The following PUM2 variants were observed in gnomAD, a reference collection of about 807,000 sequenced individuals.
PUM2 encodes the protein pumilio RNA binding family member 2.
PUM2 carries 57 observed loss-of-function variants against 124.5 expected under a neutral mutation model. The observed-to-expected ratio is 0.46, with a 90% CI of 0.37 to 0.57. The LOEUF (loss-of-function observed/expected upper bound fraction) is 0.57. PUM2 is among the 20% of genes least tolerant of loss of function. The pLI, the probability that PUM2 is intolerant of heterozygous loss-of-function variation, is 0.00. For synonymous variants in PUM2, 460 were observed against 446.1 expected, an observed-to-expected ratio of 1.03 and a Z score of -0.39; for missense variants, 1,065 against 1,290.6, an observed-to-expected ratio of 0.83 and a Z score of 2.68.
chr2:20,266,845 CTTTCTT>C (rs145967431), intron 13 of PUM2, among the ~76,000 whole-genome samples: 2,209 of 152,170 alleles, frequency 0.015, 68 homozygotes, highest in African/African-American at 0.049. Flanking sequence ...CTCCCTTTCT[CTTTCTT>C]ATAAAGGTAA....
intron 13 of PUM2, among the ~76,000 whole-genome samples, chr2:20,274,714 G>A (rs369061703): frequency 4.0e-5 from 6 of 151,702 alleles, no homozygotes; most frequent in Non-Finnish European, 5.9e-5. Flanking sequence ...GCAAGAAGCC[G>A]TTAGTTTGTC....
intron 3 of PUM2, among the ~76,000 whole-genome samples, chr2:20,314,076 G>C (rs950687177): frequency 1.3e-5 from 2 of 152,072 alleles, no homozygotes; most frequent in African/African-American, 4.8e-5. Flanking sequence ...AGCCCGGGAG[G>C]TCAAGGCTTT....
chr2:20,325,042 A>T (rs1683336239), intron 2 of PUM2, among the ~76,000 whole-genome samples: 1 of 152,162 alleles, frequency 6.6e-6, no homozygotes, highest in Admixed American at 6.5e-5. Flanking sequence ...AAAACAAAAA[A>T]ACCTCACCTG....
At chr2:20,322,899 G>A (rs1682719438) in intron 2 of PUM2, among the ~76,000 whole-genome samples, 1 of 152,106 alleles carries the variant, frequency 6.6e-6, no homozygotes, top group African/African-American at 2.4e-5. Flanking sequence ...ACACAAAAAT[G>A]GTGCTTTTCC....
intron 2 of PUM2, among the ~76,000 whole-genome samples, chr2:20,323,781 C>T (rs1261470370): frequency 6.6e-6 from 1 of 151,710 alleles, no homozygotes; most frequent in Non-Finnish European, 1.5e-5. Flanking sequence ...GGATCTGAAC[C>T]CATATCTACT....
chr2:20,313,183 G>C (rs1286217812), intron 3 of PUM2, among the ~76,000 whole-genome samples: 1 of 152,180 alleles, frequency 6.6e-6, no homozygotes, highest in Non-Finnish European at 1.5e-5. Context: ...AACACCAAAA[G>C]CAATGGCAAC....
chr2:20,271,487 T>C (rs1239548108), intron 13 of PUM2, among the ~76,000 whole-genome samples: 1 of 152,132 alleles, frequency 6.6e-6, no homozygotes, highest in African/African-American at 2.4e-5. Flanking sequence ...CTAATTTTTG[T>C]ATTTTTAATA....
intron 9 of PUM2, among the ~76,000 whole-genome samples, chr2:20,293,559 A>T (rs895711553): frequency 1.3e-5 from 2 of 152,102 alleles, no homozygotes; most frequent in Non-Finnish European, 2.9e-5. Context: ...AAATAGAAAA[A>T]ATTAGCTGGG....
At chr2:20,345,212 A>G (rs999438433) in intron 1 of PUM2, among the ~76,000 whole-genome samples, 10 of 149,636 alleles carry the variant, frequency 6.7e-5, no homozygotes, top group Non-Finnish European at 1.2e-4. Flanking sequence ...TGACCTTCCC[A>G]CCTCATTCCC....
At chr2:20,297,792 G>A (rs963789139) in intron 7 of PUM2, 114 bp from the exon 8 acceptor site, 3 of 1,047,614 alleles carry the variant, frequency 2.9e-6, no homozygotes, top group Middle Eastern at 3.2e-4. Context: ...GGAGCAGAGT[G>A]TGCATAATGG....
At position 20,275,885 on chromosome 2, in the gene PUM2, G is replaced by A. The variant is rs566947509; in HGVS notation, c.1957+2698C>T. ...ACACATTAAGACATATCAAACAAAT[G>A]CAATGTATGAACCTTATTTTGACTG... On this transcript the variant is annotated intron_variant, in intron 13 of 20. Coordinates refer to ENST00000361078, the MANE Select transcript of PUM2 (RefSeq NM_015317.5). Among the ~76,000 whole-genome samples the A allele has an allele frequency of 3.3e-5, 5 of 152,112 alleles. No individual in the cohort carries two copies. The South Asian group carries it at 1.0e-3, about 32-fold the overall frequency.
chr2:20,331,716 C>T (rs1329557012), intron 1 of PUM2: 1 of 151,972 alleles, frequency 6.6e-6, no homozygotes, highest in Non-Finnish European at 1.5e-5. Flanking sequence ...TAGAGCTTTA[C>T]CTTTTTTGCT....
In PUM2 at chr2:20,323,663, G is replaced by A. The variant is rs561044146; in HGVS notation, c.51+3647C>T. ...CTTGAGTCAGTTTGACTATCCTAGCGGGATGATGAAAACCCACTACTTAGG... is the reference window on the plus strand; with the variant it reads ...CTTGAGTCAGTTTGACTATCCTAGCAGGATGATGAAAACCCACTACTTAGG... On this transcript the variant is annotated intron_variant, in intron 2 of 20. Transcript: ENST00000361078. 9.9e-5 allele frequency among the ~76,000 whole-genome samples: 15 copies of A among 151,870 alleles called. No individual in the cohort carries two copies. In the South Asian group the frequency reaches 2.1e-3, roughly 21 times the overall value.
At chr2:20,325,357 C>A (rs964824614) in intron 2 of PUM2, among the ~76,000 whole-genome samples, 1 of 152,162 alleles carries the variant, frequency 6.6e-6, no homozygotes, top group Admixed American at 6.5e-5. Context: ...CTCTCCATAT[C>A]TGACATGTCC....
Position 20,297,539 on chromosome 2 carries a change from A to T in PUM2, c.1009+14T>A. On this transcript the variant is annotated intron_variant, in intron 8 of 20. Transcript: ENST00000361078. ...AAAAGCAACCATAATAAAGATGAAC[A>T]AATAGTATGTTACCTGCTAATGTAG... is the stretch of plus-strand genomic sequence containing the variant. 1 of 1,568,848 alleles carries T rather than the reference A, an allele frequency of 6.4e-7. No individual in the cohort carries two copies.
intron 1 of PUM2, among the ~76,000 whole-genome samples, chr2:20,345,105 C>T (rs1363323249): frequency 8.9e-5 from 11 of 123,940 alleles, no homozygotes; most frequent in East Asian, 2.2e-4. Context: ...TTTTTTTTTG[C>T]GGCGGGGCCG....
At chr2:20,270,728 G>T (rs116737523) in intron 13 of PUM2, among the ~76,000 whole-genome samples, 7 of 152,192 alleles carry the variant, frequency 4.6e-5, no homozygotes, top group African/African-American at 1.7e-4. Flanking sequence ...TTTTTAAAAA[G>T]GAAGTGTCCT....
At position 20,251,509 on chromosome 2, in the gene PUM2, TTG is replaced by T; in HGVS notation, c.*74_*75del. The T allele has an allele frequency of 6.8e-7, 1 of 1,471,794 alleles. No individual in the cohort carries two copies. Among genetic ancestry groups the T allele is most frequent in the Non-Finnish European group, 9.2e-7 (1 of 1,087,122 alleles). 91.2% of individuals were successfully genotyped at this position (1,471,794 alleles called of 1,614,324 possible). Reference sequence around the variant, plus strand: ...AAAAAATTGAAGATTCATAGTTGAGTTGTGTTTTGATAATTCACACACAAAAA... The same window carrying T: ...AAAAAATTGAAGATTCATAGTTGAGTTGTTTTGATAATTCACACACAAAAA... On this transcript the variant is annotated 3_prime_UTR_variant, in exon 21 of 21. Coordinates refer to ENST00000361078, the MANE Select transcript of PUM2 (RefSeq NM_015317.5).
Position 20,314,167 on chromosome 2 carries a change from T to C in PUM2, c.161-1744A>G, listed in dbSNP as rs867743158. Among the ~76,000 whole-genome samples the C allele has an allele frequency of 9.9e-5, 15 of 152,086 alleles. No individual in the cohort carries two copies. The Middle Eastern group carries it at 0.017, about 172-fold the overall frequency. ...CCCACTGCAAATAAATAAATTAAAA[T>C]AACAATAAAATAAAATAAACTTTCG... On this transcript the variant is annotated intron_variant, in intron 3 of 20. Transcript: ENST00000361078.
Sources: gnomAD v4.1 joint callset for allele counts (sites outside exome capture counted in the v4.1 genomes callset) on GRCh38, gnomAD v4.1.1 for gene constraint, MANE v1.5 for transcripts, NCBI Gene and HGNC (gene_info 2026-07-23, HGNC 2026-07-21) for gene names.